The following MFSD11 variants were observed in gnomAD, a reference collection of about 807,000 sequenced individuals.
MFSD11 encodes UNC93-like protein MFSD11.
Under a neutral mutation model 53.5 loss-of-function variants are expected in MFSD11, and 36 were observed. The observed-to-expected ratio is 0.67, with a 90% CI of 0.52 to 0.89. The LOEUF is 0.89. Among genes scored for constraint, MFSD11 ranks in the 40% least tolerant of loss-of-function variants. The probability of loss-of-function intolerance (pLI) is 0.00; values close to 1 mark genes in which losing one functional copy is unlikely to be tolerated. For synonymous variants in MFSD11, 186 were observed against 184.9 expected (o/e 1.01, Z -0.05); for missense variants, 530 against 543.9 (o/e 0.97, Z 0.25).
chr17:76,745,191 A>G (rs1223060673), intron 7 of MFSD11, among the ~76,000 whole-genome samples: 2 of 152,212 alleles, frequency 1.3e-5, no homozygotes, highest in African/African-American at 2.4e-5. Context: ...ATTGCCTTAT[A>G]GCATTTTATA....
the MFSD11 span, among the ~76,000 whole-genome samples, chr17:76,801,197 G>C: frequency 6.6e-6 from 1 of 151,790 alleles, no homozygotes; most frequent in South Asian, 2.1e-4. Context: ...TTCGTGACCA[G>C]CCTGGCCAAC....
At chr17:76,762,744 A>G (rs2080401787) in intron 8 of MFSD11, among the ~76,000 whole-genome samples, 1 of 152,034 alleles carries the variant, frequency 6.6e-6, no homozygotes, top group South Asian at 2.1e-4. Flanking sequence ...GCTTGAGTCA[A>G]CACCACTAGA....
chr17:76,792,028 C>T, the MFSD11 span, among the ~76,000 whole-genome samples: 1 of 148,790 alleles, frequency 6.7e-6, no homozygotes, highest in African/African-American at 2.5e-5. Context: ...TCATACAGTG[C>T]CATGGTGCCC....
At position 76,747,012 on chromosome 17, in the gene MFSD11, G is replaced by T. The variant is rs192491352; in HGVS notation, c.641+2546G>T. On this transcript the variant is annotated intron_variant, in intron 7 of 12. Coordinates refer to ENST00000685175, the MANE Select transcript of MFSD11 (RefSeq NM_001242532.5). ...CAACCTCTGCCTCCCGGGTTCAAGA[G>T]ATTCCTCCTGCCTCAGCCTCCTCAG... Among the ~76,000 whole-genome samples the T allele has an allele frequency of 1.8e-3, 270 of 147,456 alleles. 1 individual carries two copies. The highest frequency in any genetic ancestry group is 6.9e-3 in the African/African-American group (255 of 37,054).
In MFSD11 at chr17:76,773,752, C is replaced by T. The variant is rs534246479; in HGVS notation, c.875-1245C>T. Among the ~76,000 whole-genome samples the T allele has an allele frequency of 5.9e-5, 9 of 152,076 alleles. No individual in the cohort carries two copies. In the East Asian group the frequency reaches 1.2e-3, roughly 20 times the overall value. On this transcript the variant is annotated intron_variant, in intron 10 of 12. Transcript: ENST00000685175. ...CCTCCTGAGTAGCTGGGACTACAGG[C>T]GCACGCCACCACGCCCAGCTAATTT...
chr17:76,783,967 A>G (rs550280121), downstream of MFSD11, among the ~76,000 whole-genome samples: 7 of 152,090 alleles, frequency 4.6e-5, no homozygotes, highest in Admixed American at 3.9e-4. Flanking sequence ...CAGAAAAAAA[A>G]AAAAAGAAAA....
At chr17:76,737,345 G>C (rs1004191224), upstream of MFSD11, 8 of 735,818 alleles carry the variant, frequency 1.1e-5, no homozygotes, top group Non-Finnish European at 1.7e-5. Context: ...CGGGCAGCCG[G>C]CCTCTGCGCC....
Position 76,765,666 on chromosome 17 carries a change from G to A in MFSD11, c.683-1720G>A, listed in dbSNP as rs369889376. On this transcript the variant is annotated intron_variant, in intron 8 of 12. Transcript: ENST00000685175. ...TTTTGTAGAGACAGGATTTCGCCATGTTGCCCAAGCTGGTCTTGGCTCAAG... is the reference window on the plus strand; with the variant it reads ...TTTTGTAGAGACAGGATTTCGCCATATTGCCCAAGCTGGTCTTGGCTCAAG... 3.3e-5 allele frequency among the ~76,000 whole-genome samples: 5 copies of A among 151,940 alleles called. No homozygotes were observed. The South Asian group carries it at 8.3e-4, about 25-fold the overall frequency.
At chr17:76,740,459 A>G (rs1016586506) in intron 2 of MFSD11, among the ~76,000 whole-genome samples, 9 of 152,310 alleles carry the variant, frequency 5.9e-5, no homozygotes, top group African/African-American at 1.7e-4. Context: ...GAGAAATGTC[A>G]TGACGCTGCC....
chr17:76,759,746 C>CGT (rs1427002147), intron 8 of MFSD11, among the ~76,000 whole-genome samples: 9 of 124,728 alleles, frequency 7.2e-5, no homozygotes, highest in Admixed American at 9.2e-5. Context: ...TGTGAGCCAC[C>CGT]GTGACCGGCC....
chr17:76,761,802 TC>T (rs1352555169), intron 8 of MFSD11, among the ~76,000 whole-genome samples: 2 of 151,712 alleles, frequency 1.3e-5, no homozygotes, highest in Non-Finnish European at 2.9e-5. Flanking sequence ...GTGCCTGTAA[TC>T]CCAGCTACTT....
At chr17:76,784,403 G>A (rs1357312620), downstream of MFSD11, among the ~76,000 whole-genome samples, 9 of 152,068 alleles carry the variant, frequency 5.9e-5, no homozygotes, top group East Asian at 9.7e-4. Flanking sequence ...GCATGGTGGC[G>A]CTGCCTGTAG....
Position 76,743,457 on chromosome 17 carries a change from GT to G in MFSD11, c.496+4del. 6.4e-7 allele frequency: 1 copy of G among 1,566,708 alleles called. No homozygotes were observed. The highest frequency in any genetic ancestry group is 8.6e-7 in the Non-Finnish European group (1 of 1,158,270). ...TGGCAAGGGAAAACTCAGATATCAG[GT>G]TTGTTTTATTCGCGTTGCTTTATTC... On this transcript the variant is annotated splice_donor_variant, in intron 6 of 12. Transcript: ENST00000685175. LOFTEE classifies it high-confidence loss of function.
At chr17:76,770,041 T>C (rs1174548178) in intron 10 of MFSD11, among the ~76,000 whole-genome samples, 170 bp downstream of exon 10, 1 of 147,042 alleles carries the variant, frequency 6.8e-6, no homozygotes, top group African/African-American at 2.5e-5. Flanking sequence ...CTTTTTTTTT[T>C]TTTTTTTCCA....
chr17:76,774,139 TG>T (rs1283593342), intron 10 of MFSD11, among the ~76,000 whole-genome samples: 3 of 152,156 alleles, frequency 2.0e-5, no homozygotes, highest in African/African-American at 7.2e-5. Flanking sequence ...TTGGCCAGGC[TG>T]GTCTCGAACT....
intron 7 of MFSD11, among the ~76,000 whole-genome samples, chr17:76,752,592 G>A (rs749971754): frequency 4.6e-5 from 7 of 152,132 alleles, no homozygotes; most frequent in East Asian, 1.9e-4. Context: ...TGTTGGCCAG[G>A]CTGATCTGAA....
At chr17:76,744,217 T>C (rs1459537992) in intron 6 of MFSD11, 105 bp from the exon 7 acceptor site, 3 of 1,093,120 alleles carry the variant, frequency 2.7e-6, no homozygotes, top group Non-Finnish European at 3.8e-6. Context: ...AAAGTAAAAA[T>C]GTAACGAGGA....
chr17:76,749,544 A>G lies in MFSD11; in HGVS notation c.642-4503A>G, dbSNP rs2078858451. 2.8e-5 allele frequency among the ~76,000 whole-genome samples: 3 copies of G among 106,216 alleles called. No homozygotes were observed. In the South Asian group the frequency reaches 9.3e-4, roughly 33 times the overall value. 69.7% of individuals were successfully genotyped at this position (106,216 alleles called of 152,430 possible). A position where few individuals can be genotyped will look rare whatever the true frequency, so the allele number is the denominator to read the frequency against. On this transcript the variant is annotated intron_variant, in intron 7 of 12. Transcript: ENST00000685175. ...GAGAGCCTGTCTCAAAAAAAAAAAGAAGAAGAAGGAACAATGTATGCTGTA... is the reference window on the plus strand; with the variant it reads ...GAGAGCCTGTCTCAAAAAAAAAAAGGAGAAGAAGGAACAATGTATGCTGTA...
At chr17:76,751,825 A>G (rs1323811992) in intron 7 of MFSD11, among the ~76,000 whole-genome samples, 4 of 152,194 alleles carry the variant, frequency 2.6e-5, no homozygotes, top group Non-Finnish European at 5.9e-5. Flanking sequence ...CCCATGGGTA[A>G]GTCGTAGCAT....
Sources: gnomAD v4.1 joint callset for allele counts (sites outside exome capture counted in the v4.1 genomes callset) on GRCh38, gnomAD v4.1.1 for gene constraint, MANE v1.5 for transcripts, NCBI Gene and HGNC (gene_info 2026-07-23, HGNC 2026-07-21) for gene names.